The following ITGA2 variants were observed in gnomAD, a reference collection of about 807,000 sequenced individuals.
ITGA2 encodes integrin subunit alpha 2.
ITGA2 carries 101 observed loss-of-function variants against 146.3 expected under a neutral mutation model. The ratio of observed to expected loss-of-function variants is 0.69; its 90% CI spans 0.59 to 0.81. The LOEUF (loss-of-function observed/expected upper bound fraction) is 0.81, where lower values mean the gene tolerates loss of function less well. ITGA2 is among the 40% of genes least tolerant of loss of function. ITGA2 has a pLI of 0.00. For missense variants in ITGA2, 1,281 were observed against 1,402.7 expected, an observed-to-expected ratio of 0.91 and a Z score of 1.39; for synonymous variants, 477 against 487.1, an observed-to-expected ratio of 0.98 and a Z score of 0.27.
chr5:53,046,224 A>C (rs372724902), intron 4 of ITGA2, among the ~76,000 whole-genome samples: 4 of 150,982 alleles, frequency 2.6e-5, no homozygotes, highest in African/African-American at 9.7e-5. Flanking sequence ...AAGAAAAAAA[A>C]GTCTTAGACA....
At chr5:53,022,023 T>G (rs1742708586) in intron 1 of ITGA2, among the ~76,000 whole-genome samples, 1 of 152,218 alleles carries the variant, frequency 6.6e-6, no homozygotes, top group East Asian at 1.9e-4. Context: ...CCACAAAAGT[T>G]AGACCCTTTT....
At position 53,094,355 on chromosome 5, in the gene ITGA2, G is replaced by A. The variant is rs900127661; in HGVS notation, c.*3756G>A. The A allele has an allele frequency of 6.6e-6, 1 of 150,958 alleles. No individual in the cohort carries two copies. The highest frequency in any genetic ancestry group is 1.5e-5 in the Non-Finnish European group (1 of 67,456). The allele number at this position is 150,958 out of a possible 1,614,324, so 9.4% of individuals were successfully genotyped here. The stretch of plus-strand genomic sequence containing the variant: ...TAAAGACTGAAACTGTAGCCATTAT[G>A]TAAATAAAGTTTCATATGTACCTGT... On this transcript the variant is annotated 3_prime_UTR_variant, in exon 30 of 30. Coordinates refer to ENST00000296585, the MANE Select transcript of ITGA2 (RefSeq NM_002203.4).
intron 1 of ITGA2, among the ~76,000 whole-genome samples, chr5:52,993,894 A>G (rs1336067846): frequency 6.6e-6 from 1 of 152,212 alleles, no homozygotes; most frequent in Admixed American, 6.5e-5. Flanking sequence ...AGAAACCATG[A>G]AAGATCACCG....
intron 1 of ITGA2, among the ~76,000 whole-genome samples, chr5:53,022,084 T>C (rs915814183): frequency 6.6e-6 from 1 of 152,242 alleles, no homozygotes; most frequent in Non-Finnish European, 1.5e-5. Flanking sequence ...GACACTGATA[T>C]CATAGACATC....
intron 26 of ITGA2, 42 bp from the exon 27 acceptor site, chr5:53,083,294 TCTTA>T (rs1392408337): frequency 8.3e-7 from 1 of 1,208,338 alleles, no homozygotes; most frequent in Admixed American, 1.7e-5. Context: ...ATTTTTTAAC[TCTTA>T]CTAACTTGCT....
intron 26 of ITGA2, 117 bp downstream of exon 26, chr5:53,081,813 C>T: frequency 1.4e-6 from 1 of 697,844 alleles, no homozygotes; most frequent in Admixed American, 2.6e-5. Context: ...GCCTTTGATG[C>T]TTATATGAGT....
At chr5:52,999,551 C>A (rs1741465838) in intron 1 of ITGA2, among the ~76,000 whole-genome samples, 1 of 152,054 alleles carries the variant, frequency 6.6e-6, no homozygotes, top group Non-Finnish European at 1.5e-5. Context: ...TGTTGATACC[C>A]TTTGCCCACC....
chr5:53,087,740 G>A (rs1302880899), intron 28 of ITGA2, among the ~76,000 whole-genome samples: 1 of 152,102 alleles, frequency 6.6e-6, no homozygotes, highest in Non-Finnish European at 1.5e-5. Context: ...GTTAGAATAT[G>A]CCATGTTTAG....
intron 6 of ITGA2, among the ~76,000 whole-genome samples, chr5:53,050,490 A>G (rs970030339): frequency 6.6e-6 from 1 of 152,124 alleles, no homozygotes; most frequent in African/African-American, 2.4e-5. Flanking sequence ...ATTTCTCACT[A>G]TCTTCCCAGT....
In ITGA2 at chr5:53,060,024, T is replaced by A. The variant is rs2303127; in HGVS notation, c.1312+12T>A. On this transcript the variant is annotated intron_variant, in intron 11 of 29. Transcript: ENST00000296585. ...CAGTTCATATTTAGGTAAGGCATGG[T>A]AATAATTGGCTCAGCAAACTTAAGT... 5.0e-6 allele frequency: 8 copies of A among 1,611,328 alleles called. No individual in the cohort carries two copies. Among genetic ancestry groups the A allele is most frequent in the Non-Finnish European group, 2.5e-6 (3 of 1,178,376 alleles).
At chr5:53,048,886 G>A in intron 6 of ITGA2, 116 bp downstream of exon 6, 1 of 1,150,638 alleles carries the variant, frequency 8.7e-7, no homozygotes. Context: ...TGCATTTGAT[G>A]GTAGTTTTTA....
intron 2 of ITGA2, among the ~76,000 whole-genome samples, chr5:53,033,950 ACACGAGGTTT>A (rs1743365637): frequency 1.3e-5 from 2 of 152,050 alleles, no homozygotes. Flanking sequence ...TTTTTAGTAG[ACACGAGGTTT>A]CACCGTGTTG....
At chr5:52,989,573 C>T in intron 1 of ITGA2, 41 bp downstream of exon 1, 1 of 1,609,622 alleles carries the variant, frequency 6.2e-7, no homozygotes, top group Non-Finnish European at 8.5e-7. Context: ...CAGGAGGGAC[C>T]CGCGCGGCTT....
At chr5:53,060,136 C>T (rs958378056) in intron 11 of ITGA2, 124 bp downstream of exon 11, 8 of 987,556 alleles carry the variant, frequency 8.1e-6, no homozygotes, top group Non-Finnish European at 1.3e-5. Flanking sequence ...ATATTTATTA[C>T]ACATACATAT....
chr5:53,074,717 T>C (rs943371777), intron 21 of ITGA2, among the ~76,000 whole-genome samples: 5 of 152,016 alleles, frequency 3.3e-5, no homozygotes, highest in African/African-American at 9.7e-5. Flanking sequence ...TGTCTAAATA[T>C]GTTGAGCAAC....
In ITGA2 at chr5:53,056,244, C is replaced by G. The variant is rs531556291; in HGVS notation, c.1096+95C>G. On this transcript the variant is annotated intron_variant, in intron 9 of 29. Coordinates refer to ENST00000296585, the MANE Select transcript of ITGA2 (RefSeq NM_002203.4). The stretch of plus-strand genomic sequence containing the variant: ...TGCTTTACTAATGTTAACTTGTATA[C>G]CATGTATAAAAAGAGCTACTACAAT... The G allele has an allele frequency of 2.4e-5, 26 of 1,093,252 alleles. No homozygotes were observed. The African/African-American group carries it at 2.7e-4, about 11-fold the overall frequency. 67.7% of individuals were successfully genotyped at this position (1,093,252 alleles called of 1,614,324 possible).
chr5:52,999,670 G>A (rs552684037), intron 1 of ITGA2, among the ~76,000 whole-genome samples: 1 of 152,174 alleles, frequency 6.6e-6, no homozygotes, highest in African/African-American at 2.4e-5. Context: ...TTTGTAGCAA[G>A]TCAGAAAGCC....
intron 3 of ITGA2, 110 bp from the exon 4 acceptor site, chr5:53,044,891 A>G (rs1381045822): frequency 1.3e-6 from 1 of 757,538 alleles, no homozygotes; most frequent in African/African-American, 1.7e-5. Flanking sequence ...TATATTGATG[A>G]CACTAAATTC....
At chr5:53,009,346 T>C (rs982773761) in intron 1 of ITGA2, among the ~76,000 whole-genome samples, 4 of 152,072 alleles carry the variant, frequency 2.6e-5, no homozygotes, top group Non-Finnish European at 4.4e-5. Flanking sequence ...AGACTGATGG[T>C]AAAAACATGA....
Sources: gnomAD v4.1 joint callset for allele counts (sites outside exome capture counted in the v4.1 genomes callset) on GRCh38, gnomAD v4.1.1 for gene constraint, MANE v1.5 for transcripts, NCBI Gene and HGNC (gene_info 2026-07-23, HGNC 2026-07-21) for gene names.